The following MVB12B variants were observed in gnomAD, a reference collection of about 807,000 sequenced individuals.
MVB12B encodes multivesicular body subunit 12B.
Under a neutral mutation model 41.6 loss-of-function variants are expected in MVB12B, and 16 were observed. That is an observed-to-expected ratio of 0.38 (90% CI 0.26 to 0.58). The LOEUF (loss-of-function observed/expected upper bound fraction) is 0.58, where lower values mean the gene tolerates loss of function less well. MVB12B is among the 20% of genes least tolerant of loss of function. The pLI, the probability that MVB12B is intolerant of heterozygous loss-of-function variation, is 0.62. For missense variants in MVB12B, 274 were observed against 380.2 expected, an observed-to-expected ratio of 0.72 and a Z score of 2.32; for synonymous variants, 133 against 139.7, an observed-to-expected ratio of 0.95 and a Z score of 0.34.
intron 9 of MVB12B, among the ~76,000 whole-genome samples, chr9:126,500,860 T>C (rs1833940922): frequency 6.6e-6 from 1 of 152,206 alleles, no homozygotes; most frequent in Non-Finnish European, 1.5e-5. Context: ...CGCGAAGCCC[T>C]CCTTGCTCTC....
intron 6 of MVB12B, among the ~76,000 whole-genome samples, chr9:126,419,142 A>G (rs76721287): frequency 0.052 from 7,960 of 152,122 alleles, 280 homozygotes; most frequent in Non-Finnish European, 0.083. Flanking sequence ...GAATGCTTCT[A>G]GCTCCTGGAG....
At chr9:126,409,297 CTCTGTG>C (rs1212321732) in intron 6 of MVB12B, among the ~76,000 whole-genome samples, 1 of 115,372 alleles carries the variant, frequency 8.7e-6, no homozygotes, top group African/African-American at 3.5e-5. Context: ...TGGTGAGTAA[CTCTGTG>C]TGTGTGTGTG....
At chr9:126,349,948 G>C (rs1829701958) in intron 2 of MVB12B, among the ~76,000 whole-genome samples, 2 of 152,214 alleles carry the variant, frequency 1.3e-5, no homozygotes, top group Admixed American at 1.3e-4. Context: ...TTTTGGTGTA[G>C]CTGTAATGAA....
chr9:126,374,961 C>T (rs1464138428), intron 2 of MVB12B, among the ~76,000 whole-genome samples: 1 of 152,192 alleles, frequency 6.6e-6, no homozygotes, highest in Non-Finnish European at 1.5e-5. Context: ...GAAAATATAG[C>T]AGCCCCTGCC....
intron 6 of MVB12B, among the ~76,000 whole-genome samples, chr9:126,420,579 T>A (rs1397810757): frequency 2.2e-3 from 148 of 66,556 alleles, no homozygotes; most frequent in African/African-American, 6.7e-3. Context: ...TTTTTTTTTT[T>A]TTTTTTTTTT....
Position 126,459,097 on chromosome 9 carries a change from G to A in MVB12B, c.758-22272G>A, listed in dbSNP as rs1266828119. ...GCAAGTTTTAAGGGCTCAGATCACA[G>A]CAGGTCTGGACCTAAGAGAACCCCC... On this transcript the variant is annotated intron_variant, in intron 7 of 9. Transcript: ENST00000361171. The surrounding 1 kb of genome is among the most constrained non-coding windows in gnomAD (Gnocchi z 4.3). 6.6e-6 allele frequency among the ~76,000 whole-genome samples: 1 copy of A among 152,230 alleles called. No individual in the cohort carries two copies. Among genetic ancestry groups the A allele is most frequent in the Non-Finnish European group, 1.5e-5 (1 of 68,044 alleles).
At chr9:126,372,283 G>A (rs1830362948) in intron 2 of MVB12B, among the ~76,000 whole-genome samples, 1 of 152,172 alleles carries the variant, frequency 6.6e-6, no homozygotes, top group Non-Finnish European at 1.5e-5. Context: ...GTTGATGAAT[G>A]TTTGGATTAG....
At chr9:126,343,942 A>G (rs564332609) in intron 2 of MVB12B, among the ~76,000 whole-genome samples, 3 of 152,284 alleles carry the variant, frequency 2.0e-5, no homozygotes, top group Admixed American at 2.0e-4. Context: ...ATTAATAAAT[A>G]AATGCCTACA....
intron 3 of MVB12B, among the ~76,000 whole-genome samples, chr9:126,381,375 G>A (rs190177513): frequency 3.3e-5 from 5 of 152,270 alleles, no homozygotes; most frequent in Admixed American, 2.6e-4. Context: ...CAAGTGTACC[G>A]TGAATTCCAT....
chr9:126,416,236 G>A (rs905901414), intron 6 of MVB12B, among the ~76,000 whole-genome samples: 8 of 152,202 alleles, frequency 5.3e-5, no homozygotes, highest in African/African-American at 9.7e-5. Context: ...TGAAGCTCGC[G>A]TACTTGCATG....
chr9:126,487,115 C>G (rs1588207889), intron 9 of MVB12B, among the ~76,000 whole-genome samples: 1 of 152,236 alleles, frequency 6.6e-6, no homozygotes, highest in South Asian at 2.1e-4. Context: ...ACCCCGGAGT[C>G]AGTGCCTGGC....
rs923148914 is a variant in MVB12B, at chr9:126,468,362, C to T, written c.758-13007C>T. On this transcript the variant is annotated intron_variant, in intron 7 of 9. Coordinates refer to ENST00000361171, the MANE Select transcript of MVB12B (RefSeq NM_033446.3). This position sits in a 1 kb window ranked among gnomAD's most constrained non-coding sequence, Gnocchi z 4.3. ...TCTAACCAGTGTTGACCAGTTGCCT[C>T]CCCTTGGCTGTGGCCCAAGCCCCTC... 2.6e-5 allele frequency among the ~76,000 whole-genome samples: 4 copies of T among 152,204 alleles called. No homozygotes were observed. The highest frequency in any genetic ancestry group is 2.6e-4 in the Admixed American group (4 of 15,286).
Position 126,459,554 on chromosome 9 carries a change from C to T in MVB12B, c.758-21815C>T, listed in dbSNP as rs2119173743. Among the ~76,000 whole-genome samples, 1 of 152,296 alleles carries T rather than the reference C, an allele frequency of 6.6e-6. No homozygotes were observed. Among genetic ancestry groups the T allele is most frequent in the East Asian group, 1.9e-4 (1 of 5,184 alleles). Reference sequence around the variant, plus strand: ...GCACGCAGCCCACAGCAGCATTTCTCATGGTGCCATTGTGTCTGAGGTCCC... The same window carrying T: ...GCACGCAGCCCACAGCAGCATTTCTTATGGTGCCATTGTGTCTGAGGTCCC... On this transcript the variant is annotated intron_variant, in intron 7 of 9. Transcript: ENST00000361171. This position sits in a 1 kb window ranked among gnomAD's most constrained non-coding sequence, Gnocchi z 4.3.
In MVB12B at chr9:126,386,423, G is replaced by A. The variant is rs1056953911; in HGVS notation, c.313-139G>A. 1.6e-6 allele frequency: 1 copy of A among 623,164 alleles called. No homozygotes were observed. The highest frequency in any genetic ancestry group is 2.9e-6 in the Non-Finnish European group (1 of 344,082). 38.6% of individuals were successfully genotyped at this position (623,164 alleles called of 1,614,324 possible). A position where few individuals can be genotyped will look rare whatever the true frequency, so the allele number is the denominator to read the frequency against. Reference sequence around the variant, plus strand: ...CTGCATAACCACTGGGGACCATTAAGTGTCACCTACTCTAATTAACCTGCT... The same window carrying A: ...CTGCATAACCACTGGGGACCATTAAATGTCACCTACTCTAATTAACCTGCT... On this transcript the variant is annotated intron_variant, in intron 3 of 9. Coordinates refer to ENST00000361171, the MANE Select transcript of MVB12B (RefSeq NM_033446.3). The surrounding 1 kb of genome is among the most constrained non-coding windows in gnomAD (Gnocchi z 4.3).
In MVB12B at chr9:126,376,333, C is replaced by T. The variant is rs1830478941; in HGVS notation, c.205-4731C>T. 1 of 397,614 alleles carries T rather than the reference C, an allele frequency of 2.5e-6. No individual in the cohort carries two copies. The allele number at this position is 397,614 out of a possible 1,614,324, so 24.6% of individuals were successfully genotyped here. A position where few individuals can be genotyped will look rare whatever the true frequency, so the allele number is the denominator to read the frequency against. Reference sequence around the variant, plus strand: ...CTCTGTCCTGAGCCGGCACTGTTTCCCCCTATTCTCTTTGCTACCTTCAAG... The same window carrying T: ...CTCTGTCCTGAGCCGGCACTGTTTCTCCCTATTCTCTTTGCTACCTTCAAG... On this transcript the variant is annotated intron_variant, in intron 2 of 9. Transcript: ENST00000361171. This position sits in a 1 kb window ranked among gnomAD's most constrained non-coding sequence, Gnocchi z 4.1.
intron 3 of MVB12B, among the ~76,000 whole-genome samples, chr9:126,383,113 A>C (rs1830681346): frequency 1.3e-5 from 2 of 152,212 alleles, no homozygotes; most frequent in Admixed American, 1.3e-4. Flanking sequence ...TTGCCAGCCC[A>C]GGAGTGGAGG....
intron 2 of MVB12B, among the ~76,000 whole-genome samples, chr9:126,343,834 T>C (rs548369631): frequency 6.6e-6 from 1 of 152,242 alleles, no homozygotes; most frequent in African/African-American, 2.4e-5. Flanking sequence ...GGACAATCGA[T>C]TGAACCCAGA....
intron 2 of MVB12B, among the ~76,000 whole-genome samples, chr9:126,361,040 T>G (rs893262383): frequency 1.3e-5 from 2 of 152,242 alleles, no homozygotes; most frequent in Non-Finnish European, 2.9e-5. Context: ...AATTGTGGTG[T>G]TTAGCCATTT....
chr9:126,451,726 G>A (rs2119161043), intron 7 of MVB12B, among the ~76,000 whole-genome samples: 1 of 152,240 alleles, frequency 6.6e-6, no homozygotes, highest in African/African-American at 2.4e-5. Context: ...CAAGGGTCCT[G>A]GGTGGGTGCC....
Sources: allele counts gnomAD v4.1 joint callset (sites outside exome capture counted in the v4.1 genomes callset), GRCh38; gene constraint gnomAD v4.1.1; non-coding constraint Gnocchi (gnomAD v3.1); transcripts MANE v1.5; gene names NCBI Gene and HGNC (gene_info 2026-07-23, HGNC 2026-07-21).